KDM4C: variants seen among roughly 807,000 people sequenced by gnomAD.
The protein encoded by KDM4C is lysine demethylase 4C, also known as lysine-specific demethylase 4C.
Under a neutral mutation model 129.3 loss-of-function variants are expected in KDM4C, and 81 were observed. That is an observed-to-expected ratio of 0.63 (90% confidence interval 0.52 to 0.75). KDM4C has a LOEUF of 0.75. KDM4C is among the 30% of genes least tolerant of loss of function. The probability of loss-of-function intolerance (pLI) is 0.00; values close to 1 mark genes in which losing one functional copy is unlikely to be tolerated. For missense variants in KDM4C, 1,457 were observed against 1,304.0 expected (o/e 1.12, Z -1.81); for synonymous variants, 573 against 456.1 (o/e 1.26, Z -3.26).
At chr9:6,884,529 C>T (rs2381515) in intron 6 of KDM4C, among the ~76,000 whole-genome samples, 80,759 of 151,854 alleles carry the variant, frequency 0.53, 21,653 homozygotes, top group East Asian at 0.68. Flanking sequence ...TATAAAACCA[C>T]GATAAAACTT....
chr9:6,738,304 C>T (rs1357338364), intron 1 of KDM4C, among the ~76,000 whole-genome samples: 2 of 152,082 alleles, frequency 1.3e-5, no homozygotes, highest in Non-Finnish European at 1.5e-5. Context: ...TGGAGAAACC[C>T]CGTCTCTACT....
chr9:6,976,198 G>A (rs1832884323), intron 8 of KDM4C, among the ~76,000 whole-genome samples: 2 of 152,158 alleles, frequency 1.3e-5, no homozygotes, highest in African/African-American at 4.8e-5. Context: ...TTTTGGCCCT[G>A]TTAGTTACCA....
rs79931468 is a variant in KDM4C at position 6,862,279 on chromosome 9, G to A, written c.629+12579G>A. 1.6e-4 allele frequency among the ~76,000 whole-genome samples: 24 copies of A among 152,258 alleles called. 1 individual carries two copies. In the East Asian group the frequency reaches 4.6e-3, roughly 29 times the overall value. On this transcript the variant is annotated intron_variant, in intron 5 of 21. Transcript: ENST00000381309. ...TTCATGTCTGATAAGTTATCTTACT[G>A]TGCCTACCTAATGAAGATTAACATT...
At chr9:7,008,900 A>C (rs1563974732) in intron 12 of KDM4C, among the ~76,000 whole-genome samples, 1 of 152,216 alleles carries the variant, frequency 6.6e-6, no homozygotes, top group South Asian at 2.1e-4. Context: ...GGGTTGTCCA[A>C]GCCAAAGCCA....
chr9:6,858,753 C>T (rs1046803183), intron 5 of KDM4C, among the ~76,000 whole-genome samples: 4 of 149,266 alleles, frequency 2.7e-5, no homozygotes, highest in African/African-American at 1.0e-4. Context: ...GCCTGGGTGA[C>T]AGAGTGATTT....
chr9:7,061,545 T>A (rs1012254372), intron 17 of KDM4C, among the ~76,000 whole-genome samples: 1 of 105,126 alleles, frequency 9.5e-6, no homozygotes, highest in African/African-American at 2.9e-5. Flanking sequence ...GGGCATTTTA[T>A]TGGGAAGAGA....
chr9:6,956,828 A>G (rs1589303220), intron 8 of KDM4C, among the ~76,000 whole-genome samples: 1 of 152,262 alleles, frequency 6.6e-6, no homozygotes, highest in East Asian at 1.9e-4. Flanking sequence ...TCTTTCTTTT[A>G]TCAAGGCATA....
chr9:7,081,985 G>A (rs766604305), intron 17 of KDM4C, among the ~76,000 whole-genome samples: 9 of 152,230 alleles, frequency 5.9e-5, no homozygotes, highest in Non-Finnish European at 1.2e-4. Context: ...TTTGGTGGTC[G>A]ATATCTAGAT....
At position 7,103,670 on chromosome 9, in the gene KDM4C, GT is replaced by G; in HGVS notation, c.2425-11del. ...AGAATGTGAATTGATGTTCTTCTCT[GT>G]TTTAACCTTCCAGAAATGCATCTTC... is the stretch of plus-strand genomic sequence containing the variant. On this transcript the variant is annotated splice_polypyrimidine_tract_variant and intron_variant, in intron 17 of 21. Coordinates refer to ENST00000381309, the MANE Select transcript of KDM4C (RefSeq NM_015061.6). 1.3e-6 allele frequency: 2 copies of G among 1,595,348 alleles called. No homozygotes were observed. The highest frequency in any genetic ancestry group is 1.7e-6 in the Non-Finnish European group (2 of 1,167,956).
At chr9:6,882,470 C>T (rs1251979836) in intron 6 of KDM4C, among the ~76,000 whole-genome samples, 1 of 152,030 alleles carries the variant, frequency 6.6e-6, no homozygotes, top group East Asian at 1.9e-4. Context: ...TTCATTTGTC[C>T]TTTATTGGGA....
intron 1 of KDM4C, among the ~76,000 whole-genome samples, chr9:6,730,058 C>T (rs1269363727): frequency 2.4e-5 from 2 of 83,630 alleles, no homozygotes; most frequent in African/African-American, 7.5e-5. Context: ...TGCAGTGGGC[C>T]GAGATTGTGC....
intron 12 of KDM4C, 24 bp downstream of exon 12, chr9:6,990,548 ATTTTTTT>A: frequency 8.5e-7 from 1 of 1,178,852 alleles, no homozygotes; most frequent in Non-Finnish European, 1.2e-6. Context: ...CCTTTTTGGG[ATTTTTTT>A]TTTTTTTTTT....
chr9:6,790,096 G>A (rs576127575), intron 1 of KDM4C, among the ~76,000 whole-genome samples: 5 of 147,060 alleles, frequency 3.4e-5, no homozygotes, highest in Non-Finnish European at 7.5e-5. Context: ...CCAACATGGC[G>A]AAACCCATCC....
intron 1 of KDM4C, among the ~76,000 whole-genome samples, chr9:6,782,759 G>T (rs1412967681): frequency 6.6e-6 from 1 of 152,134 alleles, no homozygotes; most frequent in Non-Finnish European, 1.5e-5. Flanking sequence ...TTAAAAGAGG[G>T]ATAGCATCAT....
At chr9:6,967,066 A>G (rs575019179) in intron 8 of KDM4C, among the ~76,000 whole-genome samples, 67 of 152,284 alleles carry the variant, frequency 4.4e-4, no homozygotes, top group Non-Finnish European at 2.6e-4. Context: ...GGGACATACA[A>G]AGAACCTGAA....
chr9:7,122,255 A>T (rs1346467009), intron 18 of KDM4C, among the ~76,000 whole-genome samples: 2 of 107,820 alleles, frequency 1.9e-5, no homozygotes, highest in Non-Finnish European at 4.0e-5. Context: ...ACACACACAC[A>T]CACACACACA....
At chr9:6,903,850 T>G (rs149726526) in intron 8 of KDM4C, among the ~76,000 whole-genome samples, 2,218 of 152,198 alleles carry the variant, frequency 0.015, 27 homozygotes, top group South Asian at 0.028. Context: ...TCTTAAAATA[T>G]CAGCATATAT....
At chr9:7,044,654 G>A (rs1829125607) in intron 15 of KDM4C, among the ~76,000 whole-genome samples, 2 of 151,942 alleles carry the variant, frequency 1.3e-5, no homozygotes, top group Non-Finnish European at 2.9e-5. Flanking sequence ...GGCTTGAGAA[G>A]AAGATATGAG....
chr9:6,806,277 C>G (rs552152658), intron 3 of KDM4C, among the ~76,000 whole-genome samples: 1 of 152,048 alleles, frequency 6.6e-6, no homozygotes, highest in Non-Finnish European at 1.5e-5. Context: ...GGCGGATCAC[C>G]TGAGGTCGGG....
Sources: allele counts gnomAD v4.1 joint callset (sites outside exome capture counted in the v4.1 genomes callset), GRCh38; gene constraint gnomAD v4.1.1; transcripts MANE v1.5; gene names NCBI Gene and HGNC (gene_info 2026-07-23, HGNC 2026-07-21).